MAML3: variants seen among roughly 807,000 people sequenced by gnomAD.
MAML3 encodes mastermind-like protein 3.
MAML3 carries 27 observed loss-of-function variants against 101.9 expected under a neutral mutation model. The observed-to-expected ratio is 0.27, with a 90% CI of 0.20 to 0.37. MAML3 has a LOEUF of 0.37. MAML3 is among the 10% of genes least tolerant of loss of function. The pLI is 1.00. For missense variants in MAML3, 1,316 were observed against 1,444.9 expected (o/e 0.91, Z 1.45); for synonymous variants, 501 against 555.9 (o/e 0.90, Z 1.39).
At chr4:139,910,430 T>C (rs973168411) in intron 1 of MAML3, among the ~76,000 whole-genome samples, 7 of 152,244 alleles carry the variant, frequency 4.6e-5, no homozygotes, top group Admixed American at 1.3e-4. Context: ...ACTTGATATG[T>C]GGCTAGTGCT....
intron 2 of MAML3, among the ~76,000 whole-genome samples, chr4:139,838,210 G>A (rs1162270659): frequency 6.6e-6 from 1 of 152,112 alleles, no homozygotes; most frequent in Non-Finnish European, 1.5e-5. Context: ...GTTAATAAAG[G>A]AGATTTTCAT....
At chr4:140,124,256 C>T (rs1399969786) in intron 1 of MAML3, among the ~76,000 whole-genome samples, 2 of 152,170 alleles carry the variant, frequency 1.3e-5, no homozygotes, top group Non-Finnish European at 2.9e-5. Context: ...TATGTTAGCA[C>T]CTTGAAATCT....
intron 2 of MAML3, among the ~76,000 whole-genome samples, chr4:139,809,286 T>C (rs1243815887): frequency 1.3e-5 from 2 of 152,218 alleles, no homozygotes; most frequent in African/African-American, 4.8e-5. Context: ...GGGAAACATT[T>C]TTAAATGGGG....
chr4:139,883,263 A>G (rs141737824), intron 2 of MAML3, among the ~76,000 whole-genome samples: 35 of 152,316 alleles, frequency 2.3e-4, no homozygotes, highest in African/African-American at 7.9e-4. Flanking sequence ...ATATTATCTG[A>G]TGTGCTTGAT....
At chr4:140,039,514 T>C (rs1170946118) in intron 1 of MAML3, among the ~76,000 whole-genome samples, 1 of 152,086 alleles carries the variant, frequency 6.6e-6, no homozygotes, top group Non-Finnish European at 1.5e-5. Context: ...CCCCTAACCT[T>C]GAAGGTTATG....
At chr4:139,894,127 C>A (rs759076399) in intron 1 of MAML3, among the ~76,000 whole-genome samples, 2 of 152,256 alleles carry the variant, frequency 1.3e-5, no homozygotes, top group South Asian at 4.1e-4. Flanking sequence ...TAGAGGAGCA[C>A]CATGGATAAT....
intron 1 of MAML3, among the ~76,000 whole-genome samples, chr4:139,902,033 C>T (rs897238602): frequency 2.6e-5 from 4 of 152,170 alleles, no homozygotes; most frequent in African/African-American, 9.7e-5. Flanking sequence ...GTTTATCTCC[C>T]TTTGGAAAAC....
At chr4:139,727,371 C>T (rs1191512619) in intron 3 of MAML3, among the ~76,000 whole-genome samples, 1 of 152,206 alleles carries the variant, frequency 6.6e-6, no homozygotes, top group Non-Finnish European at 1.5e-5. Context: ...CATTTAACAG[C>T]TTCTCCTCAG....
chr4:139,900,558 T>C (rs1460840060), intron 1 of MAML3, among the ~76,000 whole-genome samples: 1 of 152,232 alleles, frequency 6.6e-6, no homozygotes, highest in Non-Finnish European at 1.5e-5. Flanking sequence ...GAATAAATTA[T>C]ATTTTCATCA....
chr4:140,120,212 G>C (rs1022528318), intron 1 of MAML3, among the ~76,000 whole-genome samples: 6 of 144,756 alleles, frequency 4.1e-5, no homozygotes, highest in South Asian at 2.2e-4. Flanking sequence ...ACTCCAGCCT[G>C]GGCGACAGAG....
chr4:139,719,328 G>C lies in MAML3; in HGVS notation c.3412C>G (p.Pro1138Ala). The change falls in exon 5 of 5, where the codon CCC (proline) becomes GCC (alanine). Residue 1138 changes from proline (P) to alanine (A), a missense_variant. Pro to Ala is a conservative substitution (Grantham distance 27). Coordinates refer to ENST00000509479, the MANE Select transcript of MAML3 (RefSeq NM_018717.5). Reference protein sequence around the residue: ...MQELDELFGNP With the variant: ...MQELDELFGNA The stretch of plus-strand genomic sequence containing the variant: ...GATCTTGGGGCCTCTCTTGATTAGG[G>C]GTTACCAAACAATTCATCAAGCTCC... 2 of 1,584,584 alleles carry C rather than the reference G, an allele frequency of 1.3e-6. No homozygotes were observed. The highest frequency in any genetic ancestry group is 1.7e-6 in the Non-Finnish European group (2 of 1,162,872).
chr4:139,787,623 T>A (rs1033242824), intron 2 of MAML3, among the ~76,000 whole-genome samples: 1 of 152,210 alleles, frequency 6.6e-6, no homozygotes, highest in Non-Finnish European at 1.5e-5. Context: ...AAATTTTCTG[T>A]ATTATTTTTT....
At chr4:139,963,675 G>A (rs555331119) in intron 1 of MAML3, among the ~76,000 whole-genome samples, 1 of 152,266 alleles carries the variant, frequency 6.6e-6, no homozygotes, top group African/African-American at 2.4e-5. Flanking sequence ...CTTGTTCAAA[G>A]TGCCCCAGCC....
rs1037515980 is a variant in MAML3, at chr4:139,909,890, T to C, written c.469-18923A>G. ...GCCGTAGAAATGAGGCATCCAGCCATACACATGAGTCTGCCTGAACAATAT... is the reference window on the plus strand; with the variant it reads ...GCCGTAGAAATGAGGCATCCAGCCACACACATGAGTCTGCCTGAACAATAT... On this transcript the variant is annotated intron_variant, in intron 1 of 4. Transcript: ENST00000509479. Among the ~76,000 whole-genome samples the C allele has an allele frequency of 8.6e-5, 11 of 127,820 alleles. No homozygotes were observed. In the South Asian group the frequency reaches 2.1e-3, roughly 24 times the overall value. 83.9% of individuals were successfully genotyped at this position (127,820 alleles called of 152,430 possible). A position where few individuals can be genotyped will look rare whatever the true frequency, so the allele number is the denominator to read the frequency against.
intron 1 of MAML3, among the ~76,000 whole-genome samples, chr4:139,963,907 G>C (rs1035731104): frequency 6.6e-6 from 1 of 152,112 alleles, no homozygotes; most frequent in African/African-American, 2.4e-5. Flanking sequence ...TTCCACAGGA[G>C]ACAACCCTGC....
chr4:139,739,829 T>C (rs1579380244), intron 2 of MAML3, among the ~76,000 whole-genome samples: 1 of 151,784 alleles, frequency 6.6e-6, no homozygotes, highest in Admixed American at 6.6e-5. Flanking sequence ...AAATTTTATA[T>C]TATGAATATA....
At chr4:140,012,643 C>T (rs551044964) in intron 1 of MAML3, among the ~76,000 whole-genome samples, 9 of 152,280 alleles carry the variant, frequency 5.9e-5, no homozygotes, top group African/African-American at 2.2e-4. Flanking sequence ...TTCTATAGAC[C>T]GCTTTGCTTA....
At chr4:140,110,146 T>C (rs187439087) in intron 1 of MAML3, among the ~76,000 whole-genome samples, 109 of 152,326 alleles carry the variant, frequency 7.2e-4, no homozygotes, top group African/African-American at 2.5e-3. Context: ...ACAACTCTAG[T>C]TCAGCGATGA....
chr4:139,863,150 CAAAAAA>C (rs34108210), intron 2 of MAML3, among the ~76,000 whole-genome samples: 7 of 114,120 alleles, frequency 6.1e-5, no homozygotes, highest in East Asian at 3.1e-4. Context: ...ACTCTGTCTC[CAAAAAA>C]AAAAAAAAAA....
Sources: allele counts gnomAD v4.1 joint callset (sites outside exome capture counted in the v4.1 genomes callset), GRCh38; gene constraint gnomAD v4.1.1; transcripts MANE v1.5; gene names NCBI Gene and HGNC (gene_info 2026-07-23, HGNC 2026-07-21).